Variants in PPP4R1 observed in about 807,000 individuals in gnomAD.
PPP4R1 encodes serine/threonine-protein phosphatase 4 regulatory subunit 1.
A neutral mutation model predicts 111.2 loss-of-function variants in PPP4R1; 42 were observed. That is an observed-to-expected ratio of 0.38 (90% CI 0.29 to 0.49). The LOEUF (loss-of-function observed/expected upper bound fraction) is 0.49. Ranked by LOEUF, PPP4R1 falls within the 20% of genes least tolerant of loss-of-function variation. The pLI, the probability that PPP4R1 is intolerant of heterozygous loss-of-function variation, is 0.97. For missense variants in PPP4R1, 1,012 were observed against 1,161.6 expected (o/e 0.87, Z 1.87); for synonymous variants, 409 against 405.5 (o/e 1.01, Z -0.10).
At chr18:9,607,275 T>C (rs2067496233) in intron 2 of PPP4R1, among the ~76,000 whole-genome samples, 1 of 151,618 alleles carries the variant, frequency 6.6e-6, no homozygotes, top group African/African-American at 2.4e-5. Context: ...GTGGGAGGAT[T>C]ACTTGAGTCC....
At position 9,588,074 on chromosome 18, in the gene PPP4R1, T is replaced by C; in HGVS notation, c.585+15A>G. 1.9e-6 allele frequency: 3 copies of C among 1,613,212 alleles called. No homozygotes were observed. The highest frequency in any genetic ancestry group is 2.5e-6 in the Non-Finnish European group (3 of 1,179,610). ...GCCACATTTTGCATAAGTGGAAAAA[T>C]GGCATTTGACTTACAGCCACAGCTT... On this transcript the variant is annotated intron_variant, in intron 6 of 19. Coordinates refer to ENST00000400556, the MANE Select transcript of PPP4R1 (RefSeq NM_001042388.3).
rs2066668889 is a variant in PPP4R1, at chr18:9,561,216, C to T, written c.1842+764G>A. Among the ~76,000 whole-genome samples, 4 of 110,596 alleles carry T rather than the reference C, an allele frequency of 3.6e-5. No homozygotes were observed. The South Asian group carries it at 1.1e-3, about 32-fold the overall frequency. 72.6% of individuals were successfully genotyped at this position (110,596 alleles called of 152,430 possible). On this transcript the variant is annotated intron_variant, in intron 13 of 19. Transcript: ENST00000400556. ...CCTGGGTGACAGAGTGAGACTCCATCTCTAATAATAATAATAATAATAATA... is the reference window on the plus strand; with the variant it reads ...CCTGGGTGACAGAGTGAGACTCCATTTCTAATAATAATAATAATAATAATA...
chr18:9,569,977 T>C (rs1171537692), intron 11 of PPP4R1, among the ~76,000 whole-genome samples, 180 bp downstream of exon 11: 1 of 152,144 alleles, frequency 6.6e-6, no homozygotes, highest in East Asian at 1.9e-4. Context: ...CTCAACCTCC[T>C]GGTCTCAAGT....
At chr18:9,557,814 C>T (rs990788121) in intron 14 of PPP4R1, among the ~76,000 whole-genome samples, 1 of 152,166 alleles carries the variant, frequency 6.6e-6, no homozygotes, top group African/African-American at 2.4e-5. Flanking sequence ...TACATAATTT[C>T]CTGTAGCACT....
At chr18:9,585,573 G>C (rs2067102082) in intron 6 of PPP4R1, among the ~76,000 whole-genome samples, 1 of 152,112 alleles carries the variant, frequency 6.6e-6, no homozygotes, top group African/African-American at 2.4e-5. Context: ...AGAAGTAAAA[G>C]AGATACAGAT....
At chr18:9,579,517 C>CGTGTGTGTGTGTGTGTGT (rs3974278) in intron 9 of PPP4R1, among the ~76,000 whole-genome samples, 1 of 147,770 alleles carries the variant, frequency 6.8e-6, no homozygotes, top group African/African-American at 2.5e-5. Flanking sequence ...AGGATTTACA[C>CGTGTGTGTGTGTGTGTGT]GTGTGTGTGT....
chr18:9,583,017 T>C (rs921191361), intron 9 of PPP4R1, 100 bp downstream of exon 9: 2 of 1,059,158 alleles, frequency 1.9e-6, no homozygotes, highest in Admixed American at 6.9e-5. Context: ...AAAAATAATA[T>C]ATCTTAAATT....
At chr18:9,598,680 TA>T (rs1167076583) in intron 2 of PPP4R1, among the ~76,000 whole-genome samples, 1 of 152,078 alleles carries the variant, frequency 6.6e-6, no homozygotes, top group African/African-American at 2.4e-5. Context: ...AAAGGAAAAT[TA>T]CACCAGATGA....
intron 2 of PPP4R1, among the ~76,000 whole-genome samples, chr18:9,609,451 GCA>G (rs1366448907): frequency 6.6e-6 from 1 of 152,192 alleles, no homozygotes; most frequent in Non-Finnish European, 1.5e-5. Flanking sequence ...TGAAGATTCT[GCA>G]CAGAGTGCGG....
At chr18:9,575,755 G>A (rs150186774) in intron 10 of PPP4R1, among the ~76,000 whole-genome samples, 214 of 152,226 alleles carry the variant, frequency 1.4e-3, no homozygotes, top group African/African-American at 5.0e-3. Flanking sequence ...TAATGTCTAC[G>A]GCTGCTTATA....
rs1568135585 is a variant in PPP4R1 at position 9,614,214 on chromosome 18, C to T, written c.52+12G>A. On this transcript the variant is annotated intron_variant, in intron 2 of 19. Coordinates refer to ENST00000400556, the MANE Select transcript of PPP4R1 (RefSeq NM_001042388.3). This position sits in a 1 kb window ranked among gnomAD's most constrained non-coding sequence, Gnocchi z 4.1. Reference sequence around the variant, plus strand: ...GCGGACTGCCAGGCCACCGCGAGGCCGGGCCACTCACATCCGTCTGCGTCC... The same window carrying T: ...GCGGACTGCCAGGCCACCGCGAGGCTGGGCCACTCACATCCGTCTGCGTCC... 1 of 1,360,716 alleles carries T rather than the reference C, an allele frequency of 7.3e-7. No homozygotes were observed. The highest frequency in any genetic ancestry group is 9.6e-7 in the Non-Finnish European group (1 of 1,043,406). The allele number at this position is 1,360,716 out of a possible 1,614,324, so 84.3% of individuals were successfully genotyped here.
intron 12 of PPP4R1, chr18:9,563,136 T>C (rs900055347): frequency 9.1e-6 from 11 of 1,210,212 alleles, no homozygotes; most frequent in Non-Finnish European, 1.0e-5. Flanking sequence ...TACATTAACA[T>C]TGAGTCTACT....
chr18:9,602,848 T>C (rs909006605), intron 2 of PPP4R1, among the ~76,000 whole-genome samples: 3 of 144,770 alleles, frequency 2.1e-5, no homozygotes, highest in African/African-American at 8.1e-5. Context: ...CACCATAAAA[T>C]TGTACATAGT....
chr18:9,549,572 T>A (rs2144959478), intron 18 of PPP4R1, among the ~76,000 whole-genome samples: 1 of 152,324 alleles, frequency 6.6e-6, no homozygotes, highest in East Asian at 1.9e-4. Context: ...CACAGGTGTT[T>A]CATTTTCACA....
chr18:9,573,984 T>G (rs1466328757), intron 10 of PPP4R1, among the ~76,000 whole-genome samples: 2 of 152,202 alleles, frequency 1.3e-5, no homozygotes, highest in African/African-American at 4.8e-5. Flanking sequence ...GCTTCAAAAA[T>G]GTCGAAAGTA....
chr18:9,599,963 T>C (rs1251537304), intron 2 of PPP4R1, among the ~76,000 whole-genome samples: 1 of 152,224 alleles, frequency 6.6e-6, no homozygotes, highest in Non-Finnish European at 1.5e-5. Context: ...ATACTGATTA[T>C]GTTAGTCTGG....
chr18:9,558,551 C>T (rs1401917381), intron 14 of PPP4R1, among the ~76,000 whole-genome samples: 1 of 152,160 alleles, frequency 6.6e-6, no homozygotes, highest in Non-Finnish European at 1.5e-5. Context: ...TTCCTAACCT[C>T]ATAGGTCAAA....
At chr18:9,614,672 C>T (rs2067661367), upstream of PPP4R1, 1 of 145,548 alleles carries the variant, frequency 6.9e-6, no homozygotes, top group South Asian at 2.1e-4. The surrounding 1 kb of genome is among the most constrained non-coding windows in gnomAD (Gnocchi z 4.1). Context: ...CCCGGCCGCC[C>T]GGGCCCCCGG....
At chr18:9,569,347 T>C (rs1165264842) in intron 11 of PPP4R1, among the ~76,000 whole-genome samples, 1 of 152,244 alleles carries the variant, frequency 6.6e-6, no homozygotes, top group East Asian at 1.9e-4. Flanking sequence ...GTGAACATTC[T>C]ATAGTCTTTT....
Sources: gnomAD v4.1 joint callset for allele counts (sites outside exome capture counted in the v4.1 genomes callset) on GRCh38, gnomAD v4.1.1 for gene constraint, Gnocchi (gnomAD v3.1) non-coding constraint, MANE v1.5 for transcripts, NCBI Gene and HGNC (gene_info 2026-07-23, HGNC 2026-07-21) for gene names.